The following HS2ST1 variants were observed in gnomAD, a reference collection of about 807,000 sequenced individuals.
HS2ST1 encodes the protein 2-O-sulfotransferase.
A neutral mutation model predicts 42.9 loss-of-function variants in HS2ST1; 18 were observed. The ratio of observed to expected loss-of-function variants is 0.42; its 90% CI spans 0.29 to 0.62. The LOEUF is 0.62. Among genes scored for constraint, HS2ST1 ranks in the 20% least tolerant of loss-of-function variants. The pLI is 0.21. For synonymous variants in HS2ST1, 146 were observed against 152.9 expected (o/e 0.95, Z 0.33); for missense variants, 334 against 433.8 (o/e 0.77, Z 2.04).
intron 3 of HS2ST1, among the ~76,000 whole-genome samples, chr1:87,085,705 G>A (rs1651801876): frequency 6.6e-6 from 1 of 152,186 alleles, no homozygotes; most frequent in South Asian, 2.1e-4. Flanking sequence ...TGAATTGAAT[G>A]TTTGTTACCC....
intron 1 of HS2ST1, among the ~76,000 whole-genome samples, chr1:86,948,365 A>AG (rs1228283147): frequency 3.1e-4 from 47 of 152,338 alleles, no homozygotes; most frequent in Admixed American, 2.9e-3. Context: ...CATAGTGTAC[A>AG]GCAGGCTGGA....
At chr1:87,096,331 T>C (rs1652065631) in intron 4 of HS2ST1, among the ~76,000 whole-genome samples, 1 of 152,182 alleles carries the variant, frequency 6.6e-6, no homozygotes. Context: ...TTTTGAAACA[T>C]CATACATTGG....
chr1:87,074,935 G>T (rs993304286), intron 2 of HS2ST1, among the ~76,000 whole-genome samples: 1 of 151,636 alleles, frequency 6.6e-6, no homozygotes, highest in Non-Finnish European at 1.5e-5. Flanking sequence ...CTATGTAGAC[G>T]CAGTTCTTCA....
At chr1:86,925,344 C>A (rs868481258) in intron 1 of HS2ST1, among the ~76,000 whole-genome samples, 2 of 152,196 alleles carry the variant, frequency 1.3e-5, no homozygotes, top group Non-Finnish European at 2.9e-5. Context: ...GCCTATTACC[C>A]AGTCCCAAAG....
chr1:87,099,699 C>T (rs181768810), intron 5 of HS2ST1, among the ~76,000 whole-genome samples: 7 of 152,286 alleles, frequency 4.6e-5, no homozygotes, highest in Admixed American at 1.3e-4. Flanking sequence ...CCAGCATTAA[C>T]TCAAAAGTCC....
At chr1:87,058,260 G>A (rs1296533407) in intron 1 of HS2ST1, among the ~76,000 whole-genome samples, 5 of 151,034 alleles carry the variant, frequency 3.3e-5, no homozygotes, top group Admixed American at 1.3e-4. Context: ...CCCCTAAACT[G>A]CCTGTGTCTT....
chr1:86,947,822 A>C (rs769068192), intron 1 of HS2ST1, among the ~76,000 whole-genome samples: 1 of 152,142 alleles, frequency 6.6e-6, no homozygotes, highest in Non-Finnish European at 1.5e-5. Context: ...AAATATTAGA[A>C]TGATGTTCCT....
intron 1 of HS2ST1, among the ~76,000 whole-genome samples, chr1:87,016,806 G>C (rs942457839): frequency 1.3e-5 from 2 of 152,080 alleles, no homozygotes; most frequent in African/African-American, 4.8e-5. Context: ...TGTTGGAACA[G>C]AGAGTTGCTA....
chr1:86,918,139 A>C (rs1202094941), intron 1 of HS2ST1, among the ~76,000 whole-genome samples: 1 of 152,174 alleles, frequency 6.6e-6, no homozygotes, highest in Non-Finnish European at 1.5e-5. Flanking sequence ...TGAGACTTCT[A>C]ATAGAGCAAT....
intron 1 of HS2ST1, among the ~76,000 whole-genome samples, chr1:86,975,006 ATTC>A (rs770338263): frequency 4.6e-5 from 7 of 152,122 alleles, no homozygotes; most frequent in Non-Finnish European, 7.4e-5. Context: ...ACAGAATTTT[ATTC>A]TTCCCTTTGC....
chr1:86,986,753 C>T (rs1648796000), intron 1 of HS2ST1, among the ~76,000 whole-genome samples: 2 of 152,132 alleles, frequency 1.3e-5, no homozygotes, highest in Admixed American at 1.3e-4. Flanking sequence ...AATGGATTCT[C>T]CCTCTAGAGA....
chr1:87,041,080 C>G (rs1263226189), intron 1 of HS2ST1, among the ~76,000 whole-genome samples: 2 of 151,852 alleles, frequency 1.3e-5, no homozygotes, highest in African/African-American at 4.8e-5. Context: ...GTTTTTACAT[C>G]AGTGTTTTAT....
intron 1 of HS2ST1, among the ~76,000 whole-genome samples, chr1:86,938,634 A>G (rs1310444160): frequency 6.6e-6 from 1 of 152,106 alleles, no homozygotes. Flanking sequence ...AGTAAAAAGA[A>G]AAAATCAATA....
At chr1:86,978,861 C>CTTTTTTT (rs55812524) in intron 1 of HS2ST1, among the ~76,000 whole-genome samples, 15 of 98,638 alleles carry the variant, frequency 1.5e-4, no homozygotes, top group South Asian at 3.7e-4. Context: ...ACTTGTGAAT[C>CTTTTTTT]TTTTTTTTTT....
chr1:86,928,235 G>A (rs935182478), intron 1 of HS2ST1, among the ~76,000 whole-genome samples: 2 of 151,926 alleles, frequency 1.3e-5, no homozygotes, highest in African/African-American at 4.8e-5. Flanking sequence ...ATTATCGTAA[G>A]TTTTCAGTGA....
intron 1 of HS2ST1, among the ~76,000 whole-genome samples, chr1:86,918,556 A>G (rs768788460): frequency 4.6e-5 from 7 of 152,070 alleles, no homozygotes; most frequent in Non-Finnish European, 1.5e-5. Flanking sequence ...TATAGGAAAC[A>G]TCCTTATGTG....
intron 1 of HS2ST1, among the ~76,000 whole-genome samples, chr1:87,030,320 A>C (rs1650196852): frequency 6.6e-6 from 1 of 152,158 alleles, no homozygotes; most frequent in Non-Finnish European, 1.5e-5. Context: ...GCAACATAGG[A>C]GACCCTATCT....
Position 87,107,031 on chromosome 1 carries a change from A to G in HS2ST1, c.*2335A>G, listed in dbSNP as rs753104176. 1 of 152,084 alleles carries G rather than the reference A, an allele frequency of 6.6e-6. No homozygotes were observed. The highest frequency in any genetic ancestry group is 1.5e-5 in the Non-Finnish European group (1 of 67,928). The allele number at this position is 152,084 out of a possible 1,614,324, so 9.4% of individuals were successfully genotyped here. On this transcript the variant is annotated 3_prime_UTR_variant, in exon 7 of 7. Transcript: ENST00000370550. ...TTTTACCACAAAAGCAGCAATAGAC[A>G]TTATGTAAACAAATGAGCACAGTTA...
At position 87,078,710 on chromosome 1, in the gene HS2ST1, A is replaced by G. The variant is rs542983118; in HGVS notation, c.364-5484A>G. ...TGCCAAGTATAGTCAGTAAGAATCC[A>G]TAAAGTGAACTGAGTAGAAGTTTGC... On this transcript the variant is annotated intron_variant, in intron 2 of 6. Transcript: ENST00000370550. 4.6e-5 allele frequency among the ~76,000 whole-genome samples: 7 copies of G among 152,358 alleles called. No individual in the cohort carries two copies. The South Asian group carries it at 1.0e-3, about 23-fold the overall frequency.
Sources: gnomAD v4.1 joint callset for allele counts (sites outside exome capture counted in the v4.1 genomes callset) on GRCh38, gnomAD v4.1.1 for gene constraint, MANE v1.5 for transcripts, NCBI Gene and HGNC (gene_info 2026-07-23, HGNC 2026-07-21) for gene names.